Variants in EEF1AKMT2 observed in about 807,000 individuals in gnomAD.
The protein encoded by EEF1AKMT2 is eukaryotic translation elongation factor 1 alpha lysine methyltransferase 2.
In EEF1AKMT2, 32 loss-of-function variants were observed where a neutral mutation model predicts 35.8. The ratio of observed to expected loss-of-function variants is 0.89; its 90% confidence interval spans 0.67 to 1.20. The LOEUF (loss-of-function observed/expected upper bound fraction) is 1.20. Ranked by LOEUF, EEF1AKMT2 falls within the 50% of genes most tolerant of loss-of-function variation. The pLI is 0.00. For missense variants in EEF1AKMT2, 330 were observed against 347.5 expected, an observed-to-expected ratio of 0.95 and a Z score of 0.40; for synonymous variants, 121 against 133.7, an observed-to-expected ratio of 0.91 and a Z score of 0.65.
intron 3 of EEF1AKMT2, among the ~76,000 whole-genome samples, chr10:124,788,202 C>T (rs1950603875): frequency 6.6e-6 from 1 of 152,126 alleles, no homozygotes; most frequent in Non-Finnish European, 1.5e-5. Flanking sequence ...TTACACGCCA[C>T]TAGGTCACCA....
intron 4 of EEF1AKMT2, among the ~76,000 whole-genome samples, chr10:124,767,556 C>T (rs1026806348): frequency 2.7e-5 from 4 of 149,470 alleles, no homozygotes; most frequent in Non-Finnish European, 1.5e-5. Flanking sequence ...AGAAAATATA[C>T]CTTATATTCT....
intron 3 of EEF1AKMT2, among the ~76,000 whole-genome samples, chr10:124,781,128 T>C (rs2134137458): frequency 6.6e-6 from 1 of 151,938 alleles, no homozygotes; most frequent in East Asian, 2.0e-4. Flanking sequence ...TGTATTTTAG[T>C]AGAGATGGGG....
chr10:124,788,933 T>C (rs1471826974), intron 3 of EEF1AKMT2, 110 bp downstream of exon 3: 9 of 708,498 alleles, frequency 1.3e-5, no homozygotes, highest in Admixed American at 5.3e-5. Context: ...TCTCCAAGTA[T>C]GACTGCTTTA....
intron 1 of EEF1AKMT2, among the ~76,000 whole-genome samples, chr10:124,790,693 C>CA (rs1364962967): frequency 2.6e-5 from 4 of 152,252 alleles, no homozygotes; most frequent in African/African-American, 9.6e-5. Flanking sequence ...TGTGCAGGCA[C>CA]ACAGTCTCTT....
chr10:124,787,744 A>G (rs1589794798), intron 3 of EEF1AKMT2, among the ~76,000 whole-genome samples: 1 of 152,064 alleles, frequency 6.6e-6, no homozygotes, highest in East Asian at 1.9e-4. Flanking sequence ...TGAAAAAAAA[A>G]AAAAGGAAGA....
intron 4 of EEF1AKMT2, among the ~76,000 whole-genome samples, chr10:124,770,746 T>C (rs1030713509): frequency 6.6e-6 from 1 of 152,226 alleles, no homozygotes; most frequent in African/African-American, 2.4e-5. Flanking sequence ...ATCAACTAAG[T>C]TTATGGAATA....
In EEF1AKMT2 at chr10:124,765,772, T is replaced by A. The variant is rs960554165; in HGVS notation, c.400-164A>T. The A allele has an allele frequency of 4.3e-5, 25 of 580,256 alleles. No homozygotes were observed. The Admixed American group carries it at 4.8e-4, about 11-fold the overall frequency. The allele number at this position is 580,256 out of a possible 1,614,324, so 35.9% of individuals were successfully genotyped here. A position where few individuals can be genotyped will look rare whatever the true frequency, so the allele number is the denominator to read the frequency against. ...ACTTTATAGCTAACTTTTATGAGCTTCAGTCCAAGATCATTAAAGCCAAGA... is the reference window on the plus strand; with the variant it reads ...ACTTTATAGCTAACTTTTATGAGCTACAGTCCAAGATCATTAAAGCCAAGA... On this transcript the variant is annotated intron_variant, in intron 4 of 6. Transcript: ENST00000368836.
chr10:124,781,538 G>C (rs948341337), intron 3 of EEF1AKMT2, among the ~76,000 whole-genome samples: 2 of 146,902 alleles, frequency 1.4e-5, no homozygotes, highest in African/African-American at 5.0e-5. Context: ...AGCCGAGATT[G>C]TGAGATTGTG....
At chr10:124,782,378 C>T (rs1342188786) in intron 3 of EEF1AKMT2, among the ~76,000 whole-genome samples, 2 of 151,724 alleles carry the variant, frequency 1.3e-5, no homozygotes, top group Non-Finnish European at 2.9e-5. Flanking sequence ...GTCAGGAGAT[C>T]GAGACCATCC....
intron 2 of EEF1AKMT2, 29 bp from the exon 3 acceptor site, chr10:124,789,186 A>C: frequency 1.4e-6 from 2 of 1,475,946 alleles, no homozygotes; most frequent in East Asian, 4.5e-5. Flanking sequence ...CAAATAACTG[A>C]GGGATACAGA....
rs1554918000 is a variant in EEF1AKMT2, at chr10:124,774,406, A to AAAAAAAAAAAAAAAAG, written c.399+268_399+269insCTTTTTTTTTTTTTTT. Among the ~76,000 whole-genome samples the AAAAAAAAAAAAAAAAG allele has an allele frequency of 2.1e-4, 10 of 48,506 alleles. 3 individuals are homozygous for AAAAAAAAAAAAAAAAG. Among genetic ancestry groups the AAAAAAAAAAAAAAAAG allele is most frequent in the East Asian group, 1.4e-3 (2 of 1,460 alleles). The allele number at this position is 48,506 out of a possible 152,430, so 31.8% of individuals were successfully genotyped here. A position where few individuals can be genotyped will look rare whatever the true frequency, so the allele number is the denominator to read the frequency against. On this transcript the variant is annotated intron_variant, in intron 4 of 6. Transcript: ENST00000368836. ...AAAAAAAAAAAAAAAAAAAAAAAAA[A>AAAAAAAAAAAAAAAAG]AAAACCCTTTTGATCTGGTTAATCC... is the stretch of plus-strand genomic sequence containing the variant.
chr10:124,779,098 C>A lies in EEF1AKMT2; in HGVS notation c.292-4316G>T, dbSNP rs1167201605. Among the ~76,000 whole-genome samples the A allele has an allele frequency of 9.2e-5, 14 of 152,038 alleles. No homozygotes were observed. The East Asian group carries it at 2.7e-3, about 29-fold the overall frequency. On this transcript the variant is annotated intron_variant, in intron 3 of 6. Transcript: ENST00000368836. ...AAGTTTACTTGCCAAAAAAAAAAAT[C>A]TAATAAAAATCTCTCAATCCAGGGT...
intron 6 of EEF1AKMT2, 76 bp from the exon 7 acceptor site, chr10:124,760,579 A>C (rs1453228272): frequency 1.8e-6 from 2 of 1,087,004 alleles, no homozygotes; most frequent in Non-Finnish European, 2.8e-6. Flanking sequence ...ATGCATTAAC[A>C]CTGTACCATT....
intron 5 of EEF1AKMT2, 114 bp downstream of exon 5, chr10:124,765,278 G>A (rs1035907732): frequency 2.5e-6 from 2 of 814,358 alleles, no homozygotes; most frequent in African/African-American, 3.5e-5. Flanking sequence ...GAAAAAAGCA[G>A]GCAATTCCCA....
chr10:124,785,246 C>CAAAAAA (rs35915292), intron 3 of EEF1AKMT2, among the ~76,000 whole-genome samples: 121 of 61,294 alleles, frequency 2.0e-3, no homozygotes, highest in Admixed American at 3.0e-3. Context: ...GACTCCGTCT[C>CAAAAAA]AAAAAAAAAA....
intron 3 of EEF1AKMT2, among the ~76,000 whole-genome samples, chr10:124,785,540 T>C (rs953320137): frequency 6.6e-6 from 1 of 152,048 alleles, no homozygotes; most frequent in African/African-American, 2.4e-5. Context: ...TTGTCAAAAC[T>C]TAATAAGTAA....
chr10:124,783,900 C>A (rs1950563747), intron 3 of EEF1AKMT2, among the ~76,000 whole-genome samples: 1 of 152,192 alleles, frequency 6.6e-6, no homozygotes, highest in South Asian at 2.1e-4. Context: ...TCTCGGCTCA[C>A]CGCAACCTCC....
intron 3 of EEF1AKMT2, among the ~76,000 whole-genome samples, chr10:124,785,766 C>T (rs1950578863): frequency 2.0e-5 from 3 of 151,808 alleles, no homozygotes; most frequent in South Asian, 4.2e-4. Flanking sequence ...CGTGCTGGCG[C>T]GCACCTGTAA....
chr10:124,776,390 G>A (rs778404048), intron 3 of EEF1AKMT2, among the ~76,000 whole-genome samples: 1 of 152,072 alleles, frequency 6.6e-6, no homozygotes, highest in Non-Finnish European at 1.5e-5. Context: ...AGACCCGACA[G>A]GAGACCCAAA....
Sources: allele counts gnomAD v4.1 joint callset (sites outside exome capture counted in the v4.1 genomes callset), GRCh38; gene constraint gnomAD v4.1.1; transcripts MANE v1.5; gene names NCBI Gene and HGNC (gene_info 2026-07-23, HGNC 2026-07-21).